The following DYNC2H1 variants were observed in gnomAD, a reference collection of about 807,000 sequenced individuals.
DYNC2H1 encodes cytoplasmic dynein 2 heavy chain 1.
DYNC2H1 carries 410 observed loss-of-function variants against 570.0 expected under a neutral mutation model. That is an observed-to-expected ratio of 0.72 (90% CI 0.66 to 0.78). The LOEUF (loss-of-function observed/expected upper bound fraction) is 0.78, where lower values mean the gene tolerates loss of function less well. DYNC2H1 is among the 30% of genes least tolerant of loss of function. DYNC2H1 has a pLI of 0.00. For missense variants in DYNC2H1, 4,865 were observed against 5,046.4 expected, an observed-to-expected ratio of 0.96 and a Z score of 1.09; for synonymous variants, 1,688 against 1,677.6, an observed-to-expected ratio of 1.01 and a Z score of -0.15.
At chr11:103,136,862 T>C (rs556597004) in intron 17 of DYNC2H1, among the ~76,000 whole-genome samples, 10 of 152,304 alleles carry the variant, frequency 6.6e-5, no homozygotes, top group African/African-American at 2.4e-4. Context: ...AGTGTTCCTA[T>C]TTCTCCACAT....
rs568067014 is a variant in DYNC2H1 at position 103,125,612 on chromosome 11, T to C, written c.1857+317T>C. On this transcript the variant is annotated intron_variant, in intron 12 of 88. Transcript: ENST00000375735. Reference sequence around the variant, plus strand: ...ATTAAGGAGTCCTCTGCCTGCCTTCTAGGAGCAGAGTCATAAAGAATTATC... The same window carrying C: ...ATTAAGGAGTCCTCTGCCTGCCTTCCAGGAGCAGAGTCATAAAGAATTATC... 7.2e-5 allele frequency among the ~76,000 whole-genome samples: 11 copies of C among 152,340 alleles called. No homozygotes were observed. In the East Asian group the frequency reaches 2.1e-3, roughly 29 times the overall value.
At chr11:103,196,149 C>A (rs1862501188) in intron 47 of DYNC2H1, among the ~76,000 whole-genome samples, 1 of 152,070 alleles carries the variant, frequency 6.6e-6, no homozygotes, top group Admixed American at 6.6e-5. Flanking sequence ...TGGTGTGGCA[C>A]AATCAGGTTT....
intron 70 of DYNC2H1, among the ~76,000 whole-genome samples, chr11:103,278,266 A>G (rs1009755097): frequency 9.2e-5 from 14 of 151,618 alleles, no homozygotes; most frequent in African/African-American, 3.1e-4. Flanking sequence ...TAATGATTAA[A>G]TAAAATGTAG....
In DYNC2H1 at chr11:103,191,469, T is replaced by G. The variant is rs778685581; in HGVS notation, c.7438-48T>G. 8.5e-6 allele frequency: 12 copies of G among 1,406,548 alleles called. 1 individual carries two copies. The South Asian group carries it at 1.3e-4, about 15-fold the overall frequency. The allele number at this position is 1,406,548 out of a possible 1,614,324, so 87.1% of individuals were successfully genotyped here. ...GAGACTGAAAAATTTATAACATGAT[T>G]ATTATTTAAGGCAGTAGAAAGATTG... is the stretch of plus-strand genomic sequence containing the variant. On this transcript the variant is annotated intron_variant, in intron 45 of 88. Coordinates refer to ENST00000375735, the MANE Select transcript of DYNC2H1 (RefSeq NM_001377.3).
intron 12 of DYNC2H1, among the ~76,000 whole-genome samples, chr11:103,127,959 C>T (rs997999634): frequency 2.6e-5 from 4 of 152,068 alleles, no homozygotes; most frequent in Non-Finnish European, 5.9e-5. Flanking sequence ...TCATACTGAC[C>T]GGTCAGGTTA....
intron 70 of DYNC2H1, among the ~76,000 whole-genome samples, chr11:103,262,147 G>A (rs1865321805): frequency 6.6e-6 from 1 of 152,142 alleles, no homozygotes; most frequent in Non-Finnish European, 1.5e-5. Flanking sequence ...GACAAGATTA[G>A]AGAAAAAAGA....
At chr11:103,233,811 G>C in intron 60 of DYNC2H1, among the ~76,000 whole-genome samples, 1 of 145,396 alleles carries the variant, frequency 6.9e-6, no homozygotes, top group Non-Finnish European at 1.5e-5. Flanking sequence ...GTTTTTTGAG[G>C]TAGAGAATGC....
At chr11:103,420,740 A>C (rs991837314) in intron 84 of DYNC2H1, among the ~76,000 whole-genome samples, 15 of 152,220 alleles carry the variant, frequency 9.9e-5, no homozygotes, top group Admixed American at 4.6e-4. Context: ...CTAAATATAG[A>C]AATGAAAACC....
rs1365020442 is a variant in DYNC2H1 at position 103,461,724 on chromosome 11, A to T, written c.12648+5368A>T. Among the ~76,000 whole-genome samples the T allele has an allele frequency of 1.3e-5, 1 of 79,912 alleles. No individual in the cohort carries two copies. Among genetic ancestry groups the T allele is most frequent in the African/African-American group, 9.1e-5 (1 of 10,958 alleles). The allele number at this position is 79,912 out of a possible 152,430, so 52.4% of individuals were successfully genotyped here. The stretch of plus-strand genomic sequence containing the variant: ...AAATGTAAACATCCTTTGGTCTTCA[A>T]GGTTTTTTTTTTTTAATAATGTTTA... On this transcript the variant is annotated intron_variant, in intron 87 of 88. Coordinates refer to ENST00000375735, the MANE Select transcript of DYNC2H1 (RefSeq NM_001377.3). The surrounding 1 kb of genome is among the most constrained non-coding windows in gnomAD (Gnocchi z 4.8).
At chr11:103,153,560 A>G (rs574557068) in intron 22 of DYNC2H1, 52 bp downstream of exon 22, 17 of 1,418,444 alleles carry the variant, frequency 1.2e-5, no homozygotes, top group Admixed American at 9.9e-5. Context: ...AACAATTTAT[A>G]TATCAAGCTA....
intron 82 of DYNC2H1, among the ~76,000 whole-genome samples, chr11:103,341,311 A>G (rs1939428103): frequency 6.6e-6 from 1 of 152,182 alleles, no homozygotes; most frequent in South Asian, 2.1e-4. Flanking sequence ...ATCACTTAAC[A>G]GCTTTTTTCT....
At chr11:103,286,044 T>C (rs1191741197) in intron 73 of DYNC2H1, among the ~76,000 whole-genome samples, 1 of 152,226 alleles carries the variant, frequency 6.6e-6, no homozygotes, top group Non-Finnish European at 1.5e-5. Context: ...GATTTAGTAC[T>C]ACTTTGGAAG....
At chr11:103,306,372 C>G (rs1171207117) in intron 77 of DYNC2H1, among the ~76,000 whole-genome samples, 2 of 152,076 alleles carry the variant, frequency 1.3e-5, no homozygotes, top group African/African-American at 2.4e-5. Flanking sequence ...AGAAACAGTA[C>G]ATAATATTAT....
chr11:103,374,381 G>A (rs768660736), intron 83 of DYNC2H1, among the ~76,000 whole-genome samples: 83 of 152,156 alleles, frequency 5.5e-4, no homozygotes, highest in Middle Eastern at 3.2e-3. Flanking sequence ...AGTCTGAGGT[G>A]TTTTCTCATA....
At chr11:103,121,344 A>T (rs1858697360) in intron 9 of DYNC2H1, 28 bp from the exon 10 acceptor site, 1 of 1,560,184 alleles carries the variant, frequency 6.4e-7, no homozygotes, top group African/African-American at 1.4e-5. Flanking sequence ...AATTCTTTGT[A>T]ATCATTTATT....
At chr11:103,428,185 CT>C (rs35767159) in intron 84 of DYNC2H1, among the ~76,000 whole-genome samples, 15,552 of 134,592 alleles carry the variant, frequency 0.12, 1,068 homozygotes, top group African/African-American at 0.21. Flanking sequence ...ATAACATGAG[CT>C]TTTTTTTTTT....
At chr11:103,123,561 A>G (rs1167749234) in intron 11 of DYNC2H1, among the ~76,000 whole-genome samples, 1 of 152,170 alleles carries the variant, frequency 6.6e-6, no homozygotes, top group Non-Finnish European at 1.5e-5. Flanking sequence ...AGTGATTATA[A>G]TTTTATGCCA....
At chr11:103,154,921 G>A (rs185459568) in intron 24 of DYNC2H1, 112 bp downstream of exon 24, 47 of 786,516 alleles carry the variant, frequency 6.0e-5, no homozygotes, top group Admixed American at 1.8e-4. Flanking sequence ...AAATTATTCC[G>A]TTTGATGAAG....
At chr11:103,111,877 T>C (rs1406661235) in intron 1 of DYNC2H1, among the ~76,000 whole-genome samples, 1 of 152,182 alleles carries the variant, frequency 6.6e-6, no homozygotes, top group African/African-American at 2.4e-5. Flanking sequence ...ATTTATTGCC[T>C]ACCTACTAGT....
Sources: allele counts gnomAD v4.1 joint callset (sites outside exome capture counted in the v4.1 genomes callset), GRCh38; gene constraint gnomAD v4.1.1; non-coding constraint Gnocchi (gnomAD v3.1); transcripts MANE v1.5; gene names NCBI Gene and HGNC (gene_info 2026-07-23, HGNC 2026-07-21).